Variants in PRMT3 observed in about 807,000 individuals in gnomAD.
PRMT3 encodes protein arginine methyltransferase 3.
A neutral mutation model predicts 71.9 loss-of-function variants in PRMT3; 62 were observed. The ratio of observed to expected loss-of-function variants is 0.86; its 90% confidence interval spans 0.70 to 1.07. The LOEUF (loss-of-function observed/expected upper bound fraction) is 1.07, where lower values mean the gene tolerates loss of function less well. Among genes scored for constraint, PRMT3 ranks in the 50% least tolerant of loss-of-function variants. The probability of loss-of-function intolerance (pLI) is 0.00; values close to 1 mark genes in which losing one functional copy is unlikely to be tolerated. For synonymous variants in PRMT3, 213 were observed against 220.4 expected, an observed-to-expected ratio of 0.97 and a Z score of 0.30; for missense variants, 663 against 643.0, an observed-to-expected ratio of 1.03 and a Z score of -0.34.
At chr11:20,448,415 A>G (rs1449892046) in intron 10 of PRMT3, among the ~76,000 whole-genome samples, 1 of 152,160 alleles carries the variant, frequency 6.6e-6, no homozygotes, top group Non-Finnish European at 1.5e-5. Flanking sequence ...ACTACTTATT[A>G]TGATTCAGAG....
intron 9 of PRMT3, among the ~76,000 whole-genome samples, chr11:20,409,652 C>CG (rs1268456097): frequency 1.8e-5 from 2 of 111,992 alleles, no homozygotes; most frequent in Non-Finnish European, 3.7e-5. Flanking sequence ...TTGGAATACA[C>CG]AAACACACAC....
chr11:20,476,330 C>T (rs1850783605), intron 13 of PRMT3, among the ~76,000 whole-genome samples: 1 of 152,036 alleles, frequency 6.6e-6, no homozygotes, highest in African/African-American at 2.4e-5. Context: ...CCAGTCTTGG[C>T]AATAGAGCAA....
At chr11:20,500,499 A>G (rs1851432653) in intron 15 of PRMT3, among the ~76,000 whole-genome samples, 1 of 152,206 alleles carries the variant, frequency 6.6e-6, no homozygotes, top group African/African-American at 2.4e-5. Context: ...AAACTTACCA[A>G]AAGGTTATAT....
intron 15 of PRMT3, among the ~76,000 whole-genome samples, chr11:20,502,131 T>G (rs1360338376): frequency 6.6e-6 from 1 of 152,246 alleles, no homozygotes; most frequent in Non-Finnish European, 1.5e-5. Flanking sequence ...AGCCGTCTGC[T>G]GATGATAAAA....
chr11:20,400,854 T>A lies in PRMT3; in HGVS notation c.706-2065T>A, dbSNP rs192949124. Among the ~76,000 whole-genome samples, 395 of 151,768 alleles carry A rather than the reference T, an allele frequency of 2.6e-3. 3 individuals are homozygous for A. The highest frequency in any genetic ancestry group is 8.1e-3 in the Admixed American group (124 of 15,278). ...AGTTTCAAGGTTGATATAAAAAAAA[T>A]TTTTAAATTTCTGTTTATTGTTGAT... is the stretch of plus-strand genomic sequence containing the variant. On this transcript the variant is annotated intron_variant, in intron 7 of 15. Transcript: ENST00000331079.
intron 9 of PRMT3, among the ~76,000 whole-genome samples, chr11:20,424,547 A>G (rs1301940074): frequency 6.6e-6 from 1 of 152,222 alleles, no homozygotes. Flanking sequence ...AACAAGATAC[A>G]TATGGGAAAA....
In PRMT3 at chr11:20,494,182, G is replaced by A; in HGVS notation, c.1414G>A (p.Gly472Ser). 6.2e-7 allele frequency: 1 copy of A among 1,609,306 alleles called. No homozygotes were observed. Among genetic ancestry groups the A allele is most frequent in the Non-Finnish European group, 8.5e-7 (1 of 1,175,804 alleles). The change falls in exon 15 of 16, where the codon GGC becomes AGC. Residue 472 changes from glycine (G) to serine (S), a missense_variant. Transcript: ENST00000331079. Reference protein sequence around the residue: ...NCHNRVVFSTGPQSTKTHWKQ... With the variant: ...NCHNRVVFSTSPQSTKTHWKQ... The stretch of plus-strand genomic sequence containing the variant: ...ACCAATTCAGGTCGTGTTCTCTACG[G>A]GCCCTCAGAGCACCAAAACACACTG...
At chr11:20,396,846 G>T (rs962432155) in intron 6 of PRMT3, among the ~76,000 whole-genome samples, 1 of 152,160 alleles carries the variant, frequency 6.6e-6, no homozygotes, top group African/African-American at 2.4e-5. Context: ...CTGAGATTCT[G>T]CATTTCTGAC....
chr11:20,413,819 T>C (rs76141712), intron 9 of PRMT3, among the ~76,000 whole-genome samples: 4,358 of 152,256 alleles, frequency 0.029, 215 homozygotes, highest in African/African-American at 0.098. Context: ...TTGTCTATTC[T>C]TGCATATTGG....
Position 20,508,627 on chromosome 11 carries a change from T to TTC in PRMT3, c.*216_*217dup. On this transcript the variant is annotated 3_prime_UTR_variant, in exon 16 of 16. Transcript: ENST00000331079. Reference sequence around the variant, plus strand: ...CCTCATGGTCTGCCACGTAATCATTTTCTTAGACGTTTGCTCCACCAGATT... The same window carrying TTC: ...CCTCATGGTCTGCCACGTAATCATTTTCTCTTAGACGTTTGCTCCACCAGATT... The TTC allele has an allele frequency of 1.5e-6, 1 of 660,836 alleles. No individual in the cohort carries two copies. Among genetic ancestry groups the TTC allele is most frequent in the Non-Finnish European group, 2.8e-6 (1 of 358,540 alleles). 40.9% of individuals were successfully genotyped at this position (660,836 alleles called of 1,614,324 possible).
At chr11:20,413,723 T>C (rs1446096860) in intron 9 of PRMT3, among the ~76,000 whole-genome samples, 1 of 152,154 alleles carries the variant, frequency 6.6e-6, no homozygotes, top group African/African-American at 2.4e-5. Context: ...ACAATCTCTA[T>C]TCTCTTATAC....
intron 13 of PRMT3, among the ~76,000 whole-genome samples, chr11:20,473,130 T>TC (rs1850691601): frequency 6.6e-6 from 1 of 152,060 alleles, no homozygotes; most frequent in East Asian, 1.9e-4. Context: ...ATTCTTCTAT[T>TC]CTTTATTATC....
chr11:20,429,857 A>G (rs542422087), intron 10 of PRMT3, among the ~76,000 whole-genome samples: 99 of 152,234 alleles, frequency 6.5e-4, no homozygotes, highest in Non-Finnish European at 8.4e-4. Context: ...GCTTGTGCTA[A>G]ATTATTTTCA....
intron 13 of PRMT3, among the ~76,000 whole-genome samples, chr11:20,479,351 C>T (rs1850873216): frequency 6.6e-6 from 1 of 152,084 alleles, no homozygotes; most frequent in South Asian, 2.1e-4. Flanking sequence ...CCGATAGTTC[C>T]TCTATTCAGG....
intron 9 of PRMT3, among the ~76,000 whole-genome samples, chr11:20,412,008 G>C (rs1010650307): frequency 2.0e-5 from 3 of 152,044 alleles, no homozygotes; most frequent in African/African-American, 7.2e-5. Context: ...CCTTTGTACA[G>C]TGTGGAAATT....
intron 13 of PRMT3, among the ~76,000 whole-genome samples, chr11:20,488,475 A>G (rs144059663): frequency 6.6e-6 from 1 of 152,316 alleles, no homozygotes; most frequent in East Asian, 1.9e-4. Context: ...TATTTTTGTT[A>G]TAGTGATTCT....
intron 11 of PRMT3, among the ~76,000 whole-genome samples, chr11:20,456,828 G>A (rs11025568): frequency 0.32 from 49,047 of 152,048 alleles, 9,976 homozygotes; most frequent in Non-Finnish European, 0.46. Context: ...TTAATATTGA[G>A]TTTTACAGTT....
intron 10 of PRMT3, among the ~76,000 whole-genome samples, chr11:20,444,242 G>A (rs1849973594): frequency 6.6e-6 from 1 of 152,068 alleles, no homozygotes; most frequent in Admixed American, 6.6e-5. Context: ...TAGTATATCT[G>A]TCTTAAAATA....
rs186852379 is a variant in PRMT3 at position 20,472,900 on chromosome 11, A to G, written c.1347+8354A>G. Among the ~76,000 whole-genome samples the G allele has an allele frequency of 1.8e-4, 28 of 151,956 alleles. No homozygotes were observed. In the East Asian group the frequency reaches 5.5e-3, roughly 30 times the overall value. On this transcript the variant is annotated intron_variant, in intron 13 of 15. Coordinates refer to ENST00000331079, the MANE Select transcript of PRMT3 (RefSeq NM_005788.4). The stretch of plus-strand genomic sequence containing the variant: ...GAGGGTGGGGAGGTGTTGATAGGCT[A>G]TTTATCACCGCCTCAATTTCAGAGC...
Sources: gnomAD v4.1 joint callset for allele counts (sites outside exome capture counted in the v4.1 genomes callset) on GRCh38, gnomAD v4.1.1 for gene constraint, MANE v1.5 for transcripts, NCBI Gene and HGNC (gene_info 2026-07-23, HGNC 2026-07-21) for gene names.